Variants in MYBPC1 observed in about 807,000 individuals in gnomAD.
MYBPC1 encodes myosin binding protein C1.
A neutral mutation model predicts 147.1 loss-of-function variants in MYBPC1; 52 were observed. That is an observed-to-expected ratio of 0.35 (90% CI 0.28 to 0.45). The LOEUF is 0.45. MYBPC1 is among the 20% of genes least tolerant of loss of function. The probability of loss-of-function intolerance (pLI) is 1.00; values close to 1 mark genes in which losing one functional copy is unlikely to be tolerated. For missense variants in MYBPC1, 1,228 were observed against 1,440.3 expected (o/e 0.85, Z 2.39); for synonymous variants, 477 against 475.9 (o/e 1.00, Z -0.03).
chr12:101,670,561 A>G (rs1164818804), intron 24 of MYBPC1, 152 bp downstream of exon 24: 1 of 744,188 alleles, frequency 1.3e-6, no homozygotes, highest in African/African-American at 1.7e-5. Context: ...TTGGAGAATG[A>G]TTAAGCAATC....
intron 24 of MYBPC1, 139 bp downstream of exon 24, chr12:101,670,548 G>A: frequency 1.3e-6 from 1 of 780,644 alleles, no homozygotes. Context: ...GAATGAAAGA[G>A]TATTGGAGAA....
In MYBPC1 at chr12:101,608,789, C is replaced by T. The variant is rs191861691; in HGVS notation, c.26-5707C>T. ...TCAAAACTCTAGCCCTAATTGCTCT[C>T]CTGCCCTTGTTAAGAAATGGAAGAC... is the stretch of plus-strand genomic sequence containing the variant. On this transcript the variant is annotated intron_variant, in intron 1 of 31. Coordinates refer to ENST00000361466, the MANE Select transcript of MYBPC1 (RefSeq NM_002465.4). Among the ~76,000 whole-genome samples, 22 of 152,242 alleles carry T rather than the reference C, an allele frequency of 1.4e-4. No individual in the cohort carries two copies. In the East Asian group the frequency reaches 4.0e-3, roughly 28 times the overall value.
At chr12:101,637,977 C>G (rs910327963) in intron 10 of MYBPC1, among the ~76,000 whole-genome samples, 1 of 152,172 alleles carries the variant, frequency 6.6e-6, no homozygotes, top group African/African-American at 2.4e-5. Context: ...GTGAGCCTCA[C>G]GTTTCCTCAT....
At chr12:101,595,154 T>C (rs113805666) in intron 1 of MYBPC1, 59 bp downstream of exon 1, 7 of 1,417,602 alleles carry the variant, frequency 4.9e-6, no homozygotes, top group African/African-American at 4.2e-5. Flanking sequence ...TATTTTGGTA[T>C]TTATCTTCAA....
intron 9 of MYBPC1, among the ~76,000 whole-genome samples, chr12:101,635,336 T>C (rs763761580): frequency 6.6e-6 from 1 of 152,272 alleles, no homozygotes; most frequent in South Asian, 2.1e-4. Context: ...TTCCGAAGAC[T>C]GAATCCACAT....
chr12:101,651,757 T>C (rs886455843), intron 16 of MYBPC1, among the ~76,000 whole-genome samples: 6 of 152,092 alleles, frequency 3.9e-5, no homozygotes, highest in African/African-American at 1.4e-4. Context: ...CTGGGCTACA[T>C]GGCAAAACCT....
chr12:101,618,334 A>G lies in MYBPC1; in HGVS notation c.103+1091A>G, dbSNP rs192563901. On this transcript the variant is annotated intron_variant, in intron 3 of 31. Transcript: ENST00000361466. ...TTGACCTTCAGTGGCTCCCATGGAG[A>G]GTAACATGAATACTAATCCTGGCCA... Among the ~76,000 whole-genome samples the G allele has an allele frequency of 4.6e-5, 7 of 152,284 alleles. No homozygotes were observed. In the East Asian group the frequency reaches 1.3e-3, roughly 29 times the overall value.
Position 101,627,391 on chromosome 12 carries a change from T to C in MYBPC1, c.143-378T>C, listed in dbSNP as rs7136536. Among the ~76,000 whole-genome samples the C allele has an allele frequency of 8.1e-3, 1,232 of 152,070 alleles. 13 individuals are homozygous for C. Among genetic ancestry groups the C allele is most frequent in the African/African-American group, 0.028 (1,179 of 41,446 alleles). On this transcript the variant is annotated intron_variant, in intron 4 of 31. Transcript: ENST00000361466. ...CTGAGTAGCTGGGATTACAGGTGTG[T>C]GCCACCAAGCTGGGCTAATTTTTGT...
chr12:101,609,298 A>C (rs1883417188), intron 1 of MYBPC1, among the ~76,000 whole-genome samples: 1 of 151,880 alleles, frequency 6.6e-6, no homozygotes, highest in Non-Finnish European at 1.5e-5. Context: ...ATTAAAAAAA[A>C]ATTTTTTTCT....
intron 3 of MYBPC1, among the ~76,000 whole-genome samples, chr12:101,626,087 T>TAAAAAAAAA: frequency 3.3e-5 from 1 of 29,882 alleles, no homozygotes; most frequent in Non-Finnish European, 5.7e-5. Flanking sequence ...AAACTCTGTC[T>TAAAAAAAAA]CAAAAAAAAA....
intron 1 of MYBPC1, among the ~76,000 whole-genome samples, chr12:101,606,474 T>C (rs1295593348): frequency 6.6e-6 from 1 of 151,578 alleles, no homozygotes; most frequent in Non-Finnish European, 1.5e-5. Context: ...GTATTTTTTT[T>C]TTTTTTTGGT....
chr12:101,687,212 A>T (rs575820773), downstream of MYBPC1, among the ~76,000 whole-genome samples: 2 of 151,888 alleles, frequency 1.3e-5, no homozygotes, highest in Admixed American at 6.6e-5. Context: ...GCCTAATGCT[A>T]TCCCTCCCCG....
chr12:101,629,245 C>T, intron 5 of MYBPC1, 189 bp from the exon 6 acceptor site: 1 of 624,560 alleles, frequency 1.6e-6, no homozygotes, highest in Admixed American at 2.4e-5. Flanking sequence ...GGAAGAGATA[C>T]CCCTGTAAGA....
rs1218257216 is a variant in MYBPC1, at chr12:101,680,424, AC to A, written c.3331del (p.Leu1111TrpfsTer33). The A allele has an allele frequency of 6.2e-7, 1 of 1,613,948 alleles. No individual in the cohort carries two copies. ...GATGTTCAGCAACCAGGGAGTCTGT[AC>A]CCTGGAAATTCGCAAGCCCAGCCCC... ...YRMFSNQGVC[T>X]LEIRKPSPYD... On this transcript the variant is annotated frameshift_variant, in exon 29 of 32. Coordinates refer to ENST00000361466, the MANE Select transcript of MYBPC1 (RefSeq NM_002465.4). LOFTEE classifies it high-confidence loss of function.
At chr12:101,669,717 A>G (rs1594023241) in intron 23 of MYBPC1, among the ~76,000 whole-genome samples, 1 of 152,282 alleles carries the variant, frequency 6.6e-6, no homozygotes, top group East Asian at 1.9e-4. Context: ...CAGGTGGATC[A>G]CCTGAGGTCA....
intron 10 of MYBPC1, among the ~76,000 whole-genome samples, chr12:101,637,372 A>G (rs1341980426): frequency 6.6e-6 from 1 of 152,136 alleles, no homozygotes; most frequent in Non-Finnish European, 1.5e-5. Flanking sequence ...GGATTTCATT[A>G]TGGATACTTA....
chr12:101,672,659 C>A (rs927615143), intron 24 of MYBPC1, among the ~76,000 whole-genome samples: 1 of 152,008 alleles, frequency 6.6e-6, no homozygotes, highest in African/African-American at 2.4e-5. Flanking sequence ...ACCAGCCTGG[C>A]CAACTTGGTG....
the MYBPC1 span, among the ~76,000 whole-genome samples, chr12:101,692,759 G>T: frequency 1.3e-5 from 2 of 152,040 alleles, no homozygotes; most frequent in Non-Finnish European, 2.9e-5. Context: ...AAAATAATAG[G>T]AAATCTCTAA....
At chr12:101,645,916 T>C (rs1893005592) in intron 12 of MYBPC1, among the ~76,000 whole-genome samples, 1 of 152,234 alleles carries the variant, frequency 6.6e-6, no homozygotes, top group Admixed American at 6.5e-5. Flanking sequence ...AACATCACAT[T>C]CTATAGAACT....
Sources: allele counts gnomAD v4.1 joint callset (sites outside exome capture counted in the v4.1 genomes callset), GRCh38; gene constraint gnomAD v4.1.1; transcripts MANE v1.5; gene names NCBI Gene and HGNC (gene_info 2026-07-23, HGNC 2026-07-21).